The following NEGR1 variants were observed in gnomAD, a reference collection of about 807,000 sequenced individuals.
NEGR1 encodes the protein IgLON family member 4.
NEGR1 carries 10 observed loss-of-function variants against 40.9 expected under a neutral mutation model. The observed-to-expected ratio is 0.24, with a 90% confidence interval of 0.15 to 0.42. The LOEUF (loss-of-function observed/expected upper bound fraction) is 0.42, where lower values mean the gene tolerates loss of function less well. Among genes scored for constraint, NEGR1 ranks in the 10% least tolerant of loss-of-function variants. The pLI is 1.00. For missense variants in NEGR1, 352 were observed against 438.9 expected (o/e 0.80, Z 1.77); for synonymous variants, 185 against 166.8 (o/e 1.11, Z -0.84).
At position 72,259,538 on chromosome 1, in the gene NEGR1, T is replaced by C. The variant is rs368756418; in HGVS notation, c.176+22781A>G. Reference sequence around the variant, plus strand: ...AATTATGATAGTGGTTTTTAGTATTTAAAAGCTACATCTCAAAATCAGAGG... The same window carrying C: ...AATTATGATAGTGGTTTTTAGTATTCAAAAGCTACATCTCAAAATCAGAGG... On this transcript the variant is annotated intron_variant, in intron 1 of 6. Transcript: ENST00000357731. Among the ~76,000 whole-genome samples, 24 of 152,250 alleles carry C rather than the reference T, an allele frequency of 1.6e-4. No homozygotes were observed. The South Asian group carries it at 5.0e-3, about 32-fold the overall frequency.
chr1:71,608,093 C>T (rs1316759456), intron 5 of NEGR1, among the ~76,000 whole-genome samples: 2 of 152,158 alleles, frequency 1.3e-5, no homozygotes, highest in Non-Finnish European at 2.9e-5. Context: ...TTTTCCTACT[C>T]CCTGCATATG....
At chr1:71,811,959 C>T (rs1056009917) in intron 2 of NEGR1, among the ~76,000 whole-genome samples, 3 of 150,878 alleles carry the variant, frequency 2.0e-5, no homozygotes, top group African/African-American at 7.3e-5. Flanking sequence ...TATAGGTAAA[C>T]ATGTGCCATG....
At chr1:71,508,070 A>G (rs1287423946) in intron 6 of NEGR1, among the ~76,000 whole-genome samples, 1 of 152,168 alleles carries the variant, frequency 6.6e-6, no homozygotes, top group African/African-American at 2.4e-5. Context: ...TTAAGAAATT[A>G]TATACTGGCC....
intron 3 of NEGR1, among the ~76,000 whole-genome samples, chr1:71,732,136 C>T (rs1654893595): frequency 6.6e-6 from 1 of 151,994 alleles, no homozygotes; most frequent in South Asian, 2.1e-4. Context: ...GGTGAAACAC[C>T]ATCTCTACTA....
intron 6 of NEGR1, among the ~76,000 whole-genome samples, chr1:71,443,958 T>TA: frequency 6.6e-6 from 1 of 152,302 alleles, no homozygotes; most frequent in East Asian, 1.9e-4. Context: ...TGAAAGTTGA[T>TA]AGAGAGTTGA....
chr1:71,906,425 T>C (rs12046440), intron 2 of NEGR1, among the ~76,000 whole-genome samples: 32,219 of 147,922 alleles, frequency 0.22, 4,248 homozygotes, highest in East Asian at 0.51. Context: ...AAAAATAAAA[T>C]AAATAAAAAT....
At chr1:72,154,431 C>T (rs187395735) in intron 1 of NEGR1, among the ~76,000 whole-genome samples, 56 of 151,980 alleles carry the variant, frequency 3.7e-4, no homozygotes, top group African/African-American at 1.2e-3. Context: ...CAGTGTAACT[C>T]GGAAAGCTCT....
chr1:72,036,914 G>A (rs1646909038), intron 1 of NEGR1, among the ~76,000 whole-genome samples: 1 of 151,992 alleles, frequency 6.6e-6, no homozygotes, highest in East Asian at 1.9e-4. Flanking sequence ...GTGGCACAAG[G>A]TAGAGAAAAA....
chr1:72,179,924 C>T (rs953989688), intron 1 of NEGR1, among the ~76,000 whole-genome samples: 1 of 151,816 alleles, frequency 6.6e-6, no homozygotes, highest in Non-Finnish European at 1.5e-5. Flanking sequence ...GCCAATGTAT[C>T]AAAAAATTAG....
At chr1:71,884,604 A>C (rs570064859) in intron 2 of NEGR1, among the ~76,000 whole-genome samples, 123 of 152,150 alleles carry the variant, frequency 8.1e-4, no homozygotes, top group Non-Finnish European at 1.4e-3. Flanking sequence ...GTAAGAAACA[A>C]ATTTCTCATT....
intron 3 of NEGR1, among the ~76,000 whole-genome samples, chr1:71,712,675 T>C (rs963758394): frequency 6.6e-6 from 1 of 152,244 alleles, no homozygotes; most frequent in African/African-American, 2.4e-5. Context: ...TTTCAGAATA[T>C]GTCAGTGATA....
At chr1:71,644,892 T>G (rs1264686688) in intron 4 of NEGR1, among the ~76,000 whole-genome samples, 1 of 151,918 alleles carries the variant, frequency 6.6e-6, no homozygotes, top group African/African-American at 2.4e-5. Flanking sequence ...GTTCACATGT[T>G]TATTATAAAT....
At chr1:71,894,751 TGAGA>T (rs1660918888) in intron 2 of NEGR1, among the ~76,000 whole-genome samples, 1 of 152,120 alleles carries the variant, frequency 6.6e-6, no homozygotes, top group Non-Finnish European at 1.5e-5. Context: ...TTAAAAAAAG[TGAGA>T]GAGAGCTGGG....
At chr1:71,634,395 C>T (rs961589632) in intron 4 of NEGR1, among the ~76,000 whole-genome samples, 2 of 152,056 alleles carry the variant, frequency 1.3e-5, no homozygotes, top group Non-Finnish European at 2.9e-5. Context: ...TTGGCAGGGA[C>T]CAGCCAAGCT....
At chr1:72,074,590 G>A (rs1045935980) in intron 1 of NEGR1, among the ~76,000 whole-genome samples, 4 of 151,926 alleles carry the variant, frequency 2.6e-5, no homozygotes, top group African/African-American at 9.7e-5. Flanking sequence ...TTCGACGTAA[G>A]TGAAAGTTAT....
chr1:71,521,131 C>G (rs1001815635), intron 6 of NEGR1, among the ~76,000 whole-genome samples: 2 of 151,950 alleles, frequency 1.3e-5, no homozygotes, highest in Non-Finnish European at 2.9e-5. Flanking sequence ...TACTTGGGGT[C>G]AGAGATTTAT....
chr1:71,583,509 C>A (rs1649204706), intron 6 of NEGR1, among the ~76,000 whole-genome samples: 1 of 152,130 alleles, frequency 6.6e-6, no homozygotes, highest in Admixed American at 6.5e-5. Context: ...CAGAGTCAAG[C>A]CTGCAGAGTT....
rs1646256836 is a variant in NEGR1, at chr1:71,403,161, A to C, written c.*4285T>G. 6.6e-6 allele frequency: 1 copy of C among 152,088 alleles called. No individual in the cohort carries two copies. The highest frequency in any genetic ancestry group is 1.5e-5 in the Non-Finnish European group (1 of 67,956). 9.4% of individuals were successfully genotyped at this position (152,088 alleles called of 1,614,324 possible). A position where few individuals can be genotyped will look rare whatever the true frequency, so the allele number is the denominator to read the frequency against. ...GAACAGATATGGGAAAGAGGGCTTAAAAAATTCATTTGGCTTGAGATCTCA... is the reference window on the plus strand; with the variant it reads ...GAACAGATATGGGAAAGAGGGCTTACAAAATTCATTTGGCTTGAGATCTCA... On this transcript the variant is annotated 3_prime_UTR_variant, in exon 7 of 7. Transcript: ENST00000357731.
chr1:71,460,117 A>T (rs1397091288), intron 6 of NEGR1, among the ~76,000 whole-genome samples: 1 of 152,214 alleles, frequency 6.6e-6, no homozygotes, highest in African/African-American at 2.4e-5. Flanking sequence ...GTAGATAACT[A>T]ATGTTAGTTG....
Sources: allele counts gnomAD v4.1 joint callset (sites outside exome capture counted in the v4.1 genomes callset), GRCh38; gene constraint gnomAD v4.1.1; transcripts MANE v1.5; gene names NCBI Gene and HGNC (gene_info 2026-07-23, HGNC 2026-07-21).